Variants in RALGPS2 observed in about 807,000 individuals in gnomAD.
RALGPS2 encodes ras-specific guanine nucleotide-releasing factor RalGPS2.
RALGPS2 carries 43 observed loss-of-function variants against 86.8 expected under a neutral mutation model. That is an observed-to-expected ratio of 0.50 (90% CI 0.39 to 0.64). RALGPS2 has a LOEUF of 0.64. RALGPS2 is among the 30% of genes least tolerant of loss of function. The pLI, the probability that RALGPS2 is intolerant of heterozygous loss-of-function variation, is 0.00. For missense variants in RALGPS2, 536 were observed against 694.6 expected (o/e 0.77, Z 2.57); for synonymous variants, 243 against 231.3 (o/e 1.05, Z -0.46).
chr1:178,789,320 G>T, intron 4 of RALGPS2, among the ~76,000 whole-genome samples: 1 of 152,230 alleles, frequency 6.6e-6, no homozygotes, highest in East Asian at 1.9e-4. Context: ...AGGTGGCTTA[G>T]ATCAGGGTGG....
chr1:178,774,052 C>T (rs138389694), intron 1 of RALGPS2, among the ~76,000 whole-genome samples: 5,501 of 152,128 alleles, frequency 0.036, 122 homozygotes, highest in Middle Eastern at 0.058. Flanking sequence ...ACCAGCCTGG[C>T]CAACATGGTG....
chr1:178,771,925 A>G (rs1652829328), intron 1 of RALGPS2, among the ~76,000 whole-genome samples: 1 of 152,162 alleles, frequency 6.6e-6, no homozygotes, highest in Non-Finnish European at 1.5e-5. Context: ...TTGCCTATAG[A>G]TTGTTCTGTG....
intron 4 of RALGPS2, among the ~76,000 whole-genome samples, chr1:178,796,276 AG>A (rs1654186642): frequency 6.6e-6 from 1 of 152,084 alleles, no homozygotes; most frequent in Non-Finnish European, 1.5e-5. Context: ...AGAAAATAGA[AG>A]GGTTTATATA....
At chr1:178,779,356 T>C (rs1653266358) in intron 2 of RALGPS2, among the ~76,000 whole-genome samples, 1 of 152,214 alleles carries the variant, frequency 6.6e-6, no homozygotes, top group Non-Finnish European at 1.5e-5. Context: ...ATATTTCTTA[T>C]TTTTCTCTTA....
chr1:178,865,903 A>G (rs1658375072), intron 8 of RALGPS2: 8 of 676,970 alleles, frequency 1.2e-5, no homozygotes, highest in South Asian at 2.1e-5. Context: ...GAAAAACTGA[A>G]TATTTATTGG....
At chr1:178,741,416 ATTCT>A (rs1651019554) in intron 1 of RALGPS2, among the ~76,000 whole-genome samples, 1 of 152,156 alleles carries the variant, frequency 6.6e-6, no homozygotes, top group African/African-American at 2.4e-5. Context: ...TTCCTTTTCA[ATTCT>A]TTCTTTTTAA....
intron 4 of RALGPS2, among the ~76,000 whole-genome samples, chr1:178,804,431 C>A (rs1228907307): frequency 8.8e-6 from 1 of 114,212 alleles, no homozygotes; most frequent in Non-Finnish European, 1.8e-5. Flanking sequence ...TCCCCCCTCC[C>A]CCCACCCCAC....
At chr1:178,891,254 AT>A (rs1466493984) in intron 14 of RALGPS2, among the ~76,000 whole-genome samples, 1 of 152,134 alleles carries the variant, frequency 6.6e-6, no homozygotes, top group Non-Finnish European at 1.5e-5. Context: ...CTCTTAGAAC[AT>A]TTTGAGAACA....
chr1:178,851,992 GTTTC>G (rs1015488448), intron 8 of RALGPS2, among the ~76,000 whole-genome samples: 18 of 152,084 alleles, frequency 1.2e-4, no homozygotes, highest in African/African-American at 4.1e-4. Context: ...TGGTCTAGTT[GTTTC>G]TTTCTAATGA....
intron 17 of RALGPS2, 31 bp from the exon 18 acceptor site, chr1:178,902,075 T>C: frequency 6.6e-7 from 1 of 1,524,396 alleles, no homozygotes; most frequent in Non-Finnish European, 9.1e-7. Flanking sequence ...ATAAATTTTC[T>C]GTTTCCGCTA....
chr1:178,805,336 G>C (rs1199731283), intron 4 of RALGPS2, among the ~76,000 whole-genome samples: 1 of 151,408 alleles, frequency 6.6e-6, no homozygotes, highest in Non-Finnish European at 1.5e-5. Flanking sequence ...TGGTGTTTTA[G>C]ACATGAAGTC....
At chr1:178,795,576 G>A (rs568284283) in intron 4 of RALGPS2, among the ~76,000 whole-genome samples, 54 of 151,982 alleles carry the variant, frequency 3.6e-4, no homozygotes, top group Admixed American at 1.1e-3. Flanking sequence ...ACCACACCTG[G>A]CTAATTTTTG....
chr1:178,798,764 C>T (rs1257557619), intron 4 of RALGPS2, among the ~76,000 whole-genome samples: 1 of 151,694 alleles, frequency 6.6e-6, no homozygotes, highest in African/African-American at 2.4e-5. Flanking sequence ...TTAAATGGGT[C>T]CAGGATTTCT....
chr1:178,729,125 GT>G (rs972288457), intron 1 of RALGPS2, among the ~76,000 whole-genome samples: 9 of 152,076 alleles, frequency 5.9e-5, no homozygotes, highest in African/African-American at 2.2e-4. Flanking sequence ...TTAATTGATA[GT>G]TTTCTGTTAT....
rs530461976 is a variant in RALGPS2, at chr1:178,766,811, A to G, written c.-83-9871A>G. On this transcript the variant is annotated intron_variant, in intron 1 of 19. Transcript: ENST00000367635. ...TGGCCTCTTTAGTGAGGTTGAGGAA[A>G]TGTTCATGGATAATATCTTGAAATG... is the stretch of plus-strand genomic sequence containing the variant. Among the ~76,000 whole-genome samples, 43 of 152,300 alleles carry G rather than the reference A, an allele frequency of 2.8e-4. 3 individuals are homozygous for G. In the East Asian group the frequency reaches 8.3e-3, roughly 29 times the overall value.
intron 19 of RALGPS2, among the ~76,000 whole-genome samples, chr1:178,915,632 G>T (rs1537673): frequency 0.97 from 147,489 of 152,330 alleles, 71,414 homozygotes; most frequent in East Asian, 1. Flanking sequence ...GAGTACATTG[G>T]CCAACATAAT....
At chr1:178,892,471 T>C (rs2102390372) in intron 15 of RALGPS2, among the ~76,000 whole-genome samples, 164 bp downstream of exon 15, 1 of 152,284 alleles carries the variant, frequency 6.6e-6, no homozygotes, top group East Asian at 1.9e-4. Context: ...AATATGAAGA[T>C]AAATTTCAAC....
intron 4 of RALGPS2, among the ~76,000 whole-genome samples, chr1:178,792,815 TG>T (rs1196128569): frequency 1.3e-5 from 2 of 152,214 alleles, no homozygotes; most frequent in African/African-American, 4.8e-5. Flanking sequence ...ATAACATGGT[TG>T]TAACTGTAAA....
At chr1:178,895,208 G>C (rs1297463199) in intron 16 of RALGPS2, among the ~76,000 whole-genome samples, 1 of 151,858 alleles carries the variant, frequency 6.6e-6, no homozygotes, top group Non-Finnish European at 1.5e-5. Context: ...TAAAACCTTT[G>C]ATATATATTC....
Sources: allele counts gnomAD v4.1 joint callset (sites outside exome capture counted in the v4.1 genomes callset), GRCh38; gene constraint gnomAD v4.1.1; transcripts MANE v1.5; gene names NCBI Gene and HGNC (gene_info 2026-07-23, HGNC 2026-07-21).